Variants in DISP3 observed in about 807,000 individuals in gnomAD.
DISP3 encodes dispatched RND transporter family member 3, also known as protein dispatched homolog 3.
In DISP3, 101 loss-of-function variants were observed where a neutral mutation model predicts 135.3. The ratio of observed to expected loss-of-function variants is 0.75; its 90% CI spans 0.64 to 0.88. The LOEUF is 0.88. DISP3 is among the 40% of genes least tolerant of loss of function. The pLI, the probability that DISP3 is intolerant of heterozygous loss-of-function variation, is 0.00. For synonymous variants in DISP3, 856 were observed against 817.0 expected, an observed-to-expected ratio of 1.05 and a Z score of -0.81; for missense variants, 1,713 against 1,878.6, an observed-to-expected ratio of 0.91 and a Z score of 1.63.
At chr1:11,509,646 G>A (rs1362171757) in intron 3 of DISP3, among the ~76,000 whole-genome samples, 3 of 152,100 alleles carry the variant, frequency 2.0e-5, no homozygotes, top group South Asian at 2.1e-4. Context: ...TTTGCCCCTA[G>A]TTATATTCTT....
In DISP3 at chr1:11,536,750, C is replaced by T; in HGVS notation, c.*64C>T. 2 of 1,452,934 alleles carry T rather than the reference C, an allele frequency of 1.4e-6. No individual in the cohort carries two copies. Among genetic ancestry groups the T allele is most frequent in the Non-Finnish European group, 1.8e-6 (2 of 1,107,186 alleles). 90.0% of individuals were successfully genotyped at this position (1,452,934 alleles called of 1,614,324 possible). A position where few individuals can be genotyped will look rare whatever the true frequency, so the allele number is the denominator to read the frequency against. ...TGGGTGGGGGACAGGAGCTGCTTCC[C>T]AGCTCGACTTCAGCTAGCTGTGTCC... On this transcript the variant is annotated 3_prime_UTR_variant, in exon 21 of 21. Transcript: ENST00000294484. This position sits in a 1 kb window ranked among gnomAD's most constrained non-coding sequence, Gnocchi z 4.3.
chr1:11,513,354 C>T (rs1485392391), intron 3 of DISP3, among the ~76,000 whole-genome samples: 1 of 152,094 alleles, frequency 6.6e-6, no homozygotes, highest in Admixed American at 6.6e-5. Context: ...CAGTTTTTGT[C>T]TATCTAAAAA....
At chr1:11,480,677 G>GCGCA (rs1270917269) in intron 1 of DISP3, among the ~76,000 whole-genome samples, 5 of 142,632 alleles carry the variant, frequency 3.5e-5, no homozygotes, top group African/African-American at 5.2e-5. Context: ...GCGCGCGCGT[G>GCGCA]CACACACACA....
Position 11,535,735 on chromosome 1 carries a change from A to G in DISP3, c.3816+91A>G, listed in dbSNP as rs995264498. The G allele has an allele frequency of 4.1e-6, 6 of 1,468,580 alleles. No individual in the cohort carries two copies. In the African/African-American group the frequency reaches 5.6e-5, roughly 14 times the overall value. 91.0% of individuals were successfully genotyped at this position (1,468,580 alleles called of 1,614,324 possible). On this transcript the variant is annotated intron_variant, in intron 20 of 20. Coordinates refer to ENST00000294484, the MANE Select transcript of DISP3 (RefSeq NM_020780.2). ...GAGGGACCCTCAAGGGCAGCTGAAC[A>G]TCCCAGCACCAGGACCCCCATGCAG...
At chr1:11,523,677 G>C in intron 10 of DISP3, among the ~76,000 whole-genome samples, 1 of 151,944 alleles carries the variant, frequency 6.6e-6, no homozygotes. Flanking sequence ...GAGTGGCACA[G>C]AGAGGGCGAG....
At chr1:11,504,888 T>C (rs1471301985) in intron 3 of DISP3, among the ~76,000 whole-genome samples, 5 of 152,230 alleles carry the variant, frequency 3.3e-5, no homozygotes, top group African/African-American at 1.2e-4. Context: ...ACTGAGACAC[T>C]ACCTGTTTCC....
intron 15 of DISP3, 75 bp from the exon 16 acceptor site, chr1:11,530,832 G>T (rs1465853272): frequency 6.3e-7 from 1 of 1,582,738 alleles, no homozygotes; most frequent in Non-Finnish European, 8.6e-7. Context: ...CTGCCCCAGG[G>T]TTGGGGGTGA....
intron 1 of DISP3, among the ~76,000 whole-genome samples, chr1:11,492,203 A>G (rs556072467): frequency 1.3e-5 from 2 of 150,184 alleles, no homozygotes; most frequent in East Asian, 4.0e-4. Flanking sequence ...CACCATCCCC[A>G]TTTTACAGAT....
intron 5 of DISP3, 70 bp from the exon 6 acceptor site, chr1:11,515,931 G>T (rs1641999373): frequency 6.4e-7 from 1 of 1,558,990 alleles, no homozygotes. Context: ...ACTTGGTCTA[G>T]GGCCAGGTTG....
intron 11 of DISP3, 152 bp from the exon 12 acceptor site, chr1:11,525,024 C>A: frequency 1.2e-6 from 1 of 865,398 alleles, no homozygotes; most frequent in Non-Finnish European, 1.8e-6. Context: ...TGGACCTGGT[C>A]CAGTAGAGAG....
At chr1:11,495,476 TTTCC>T in intron 1 of DISP3, among the ~76,000 whole-genome samples, 1 of 152,302 alleles carries the variant, frequency 6.6e-6, no homozygotes. Context: ...GGTCTGGTTG[TTTCC>T]TGGGGCTGCC....
chr1:11,483,770 G>T lies in DISP3; in HGVS notation c.-4+4398G>T, dbSNP rs775852294. Among the ~76,000 whole-genome samples the T allele has an allele frequency of 3.3e-5, 5 of 152,206 alleles. No individual in the cohort carries two copies. The highest frequency in any genetic ancestry group is 7.3e-5 in the Non-Finnish European group (5 of 68,034). On this transcript the variant is annotated intron_variant, in intron 1 of 20. Coordinates refer to ENST00000294484, the MANE Select transcript of DISP3 (RefSeq NM_020780.2). The surrounding 1 kb of genome is among the most constrained non-coding windows in gnomAD (Gnocchi z 5.4). ...ATGGCTGGGCCGGAGCTGAGTCCCC[G>T]TGAGAGTCTGGAATGGGACTCAAGC...
intron 10 of DISP3, among the ~76,000 whole-genome samples, chr1:11,523,169 G>T (rs2817591): frequency 0.14 from 21,717 of 152,268 alleles, 1,882 homozygotes; most frequent in East Asian, 0.46. Context: ...ATCAAGTGGG[G>T]TTCATGGGAA....
chr1:11,498,114 C>T (rs1355187467), intron 1 of DISP3, among the ~76,000 whole-genome samples: 2 of 152,248 alleles, frequency 1.3e-5, no homozygotes, highest in Non-Finnish European at 2.9e-5. Context: ...TGGAGCCACA[C>T]ATACAGAACA....
At chr1:11,521,891 G>A (rs1281783929) in intron 10 of DISP3, among the ~76,000 whole-genome samples, 4 of 152,146 alleles carry the variant, frequency 2.6e-5, no homozygotes, top group Non-Finnish European at 4.4e-5. Context: ...CGTGGTTTAA[G>A]TGGAGAAGCG....
intron 3 of DISP3, among the ~76,000 whole-genome samples, chr1:11,510,203 T>C (rs1474101935): frequency 1.3e-5 from 2 of 152,200 alleles, no homozygotes; most frequent in African/African-American, 4.8e-5. Flanking sequence ...TGGTTAGACT[T>C]AAGTATATTT....
intron 1 of DISP3, among the ~76,000 whole-genome samples, chr1:11,480,677 GCACACA>G (rs70983561): frequency 0.038 from 5,430 of 142,694 alleles, 186 homozygotes; most frequent in African/African-American, 0.095. Flanking sequence ...GCGCGCGCGT[GCACACA>G]CACACACACA....
intron 3 of DISP3, among the ~76,000 whole-genome samples, chr1:11,512,934 A>G (rs1641898825): frequency 6.6e-6 from 1 of 152,298 alleles, no homozygotes; most frequent in South Asian, 2.1e-4. Context: ...CGGAAACCCC[A>G]GATAAACCCA....
chr1:11,524,196 G>A (rs1642341038), intron 11 of DISP3, 141 bp downstream of exon 11: 3 of 652,988 alleles, frequency 4.6e-6, no homozygotes, highest in Non-Finnish European at 7.8e-6. Flanking sequence ...AGGAGCTGGG[G>A]ATGGGGGGTG....
Sources: allele counts gnomAD v4.1 joint callset (sites outside exome capture counted in the v4.1 genomes callset), GRCh38; gene constraint gnomAD v4.1.1; non-coding constraint Gnocchi (gnomAD v3.1); transcripts MANE v1.5; gene names NCBI Gene and HGNC (gene_info 2026-07-23, HGNC 2026-07-21).